The following RBBP8 variants were observed in gnomAD, a reference collection of about 807,000 sequenced individuals.
RBBP8 encodes the protein RB binding protein 8, endonuclease.
In RBBP8, 88 loss-of-function variants were observed where a neutral mutation model predicts 108.3. That is an observed-to-expected ratio of 0.81 (90% CI 0.68 to 0.97). RBBP8 has a LOEUF of 0.97. Ranked by LOEUF, RBBP8 falls within the 50% of genes least tolerant of loss-of-function variation. The probability of loss-of-function intolerance (pLI) is 0.00; values close to 1 mark genes in which losing one functional copy is unlikely to be tolerated. For synonymous variants in RBBP8, 332 were observed against 348.2 expected, an observed-to-expected ratio of 0.95 and a Z score of 0.52; for missense variants, 1,023 against 1,049.0, an observed-to-expected ratio of 0.98 and a Z score of 0.34.
chr18:23,019,672 C>T (rs2046315886), intron 17 of RBBP8, among the ~76,000 whole-genome samples: 1 of 152,030 alleles, frequency 6.6e-6, no homozygotes, highest in South Asian at 2.1e-4. Flanking sequence ...TATCAACAAA[C>T]CCCATTGATT....
At position 22,949,032 on chromosome 18, in the gene RBBP8, TC is replaced by T. The variant is rs1457231193; in HGVS notation, c.153-584del. Among the ~76,000 whole-genome samples the T allele has an allele frequency of 5.3e-5, 8 of 152,298 alleles. No individual in the cohort carries two copies. The South Asian group carries it at 1.7e-3, about 32-fold the overall frequency. On this transcript the variant is annotated intron_variant, in intron 3 of 18. Coordinates refer to ENST00000327155, the MANE Select transcript of RBBP8 (RefSeq NM_002894.3). ...TAAAGCCTACTGTGTGCCACACTGT[TC>T]CGTATCCAATACATACATTAATACT...
chr18:22,986,421 G>T (rs4473296), intron 8 of RBBP8, among the ~76,000 whole-genome samples: 76,923 of 151,874 alleles, frequency 0.51, 21,977 homozygotes, highest in Middle Eastern at 0.68. Flanking sequence ...ATCTGAGATC[G>T]GTCTCATGTT....
intron 6 of RBBP8, among the ~76,000 whole-genome samples, chr18:22,979,848 ATACCTACTGTATGTC>A (rs1294221301): frequency 5.9e-5 from 9 of 152,230 alleles, no homozygotes; most frequent in Non-Finnish European, 1.3e-4. Flanking sequence ...TGTTTACGCC[ATACCTACTGTATGTC>A]TACTGTGGTA....
At chr18:23,008,769 A>ATTTTTTTTTT (rs71161355) in intron 16 of RBBP8, among the ~76,000 whole-genome samples, 5 of 100,022 alleles carry the variant, frequency 5.0e-5, no homozygotes, top group African/African-American at 4.1e-5. Flanking sequence ...TATGACTTTG[A>ATTTTTTTTTT]TTTTTTTTTT....
At chr18:23,025,792 G>A (rs2046441706) in intron 18 of RBBP8, among the ~76,000 whole-genome samples, 1 of 152,104 alleles carries the variant, frequency 6.6e-6, no homozygotes. Flanking sequence ...AAAGAGCTTG[G>A]GCCAGGTCCC....
intron 2 of RBBP8, among the ~76,000 whole-genome samples, chr18:22,938,297 GTTTGTTTTTGTT>G (rs139108773): frequency 6.6e-6 from 1 of 151,900 alleles, no homozygotes; most frequent in Non-Finnish European, 1.5e-5. Flanking sequence ...TGCCCAGCTA[GTTTGTTTTTGTT>G]TTTGTTTTTT....
At chr18:23,024,173 C>T (rs1004442218) in intron 18 of RBBP8, among the ~76,000 whole-genome samples, 5 of 151,280 alleles carry the variant, frequency 3.3e-5, no homozygotes, top group Admixed American at 2.6e-4. Flanking sequence ...GCTCGAGCCA[C>T]CACGCCCGGC....
At chr18:22,962,781 C>T (rs1436008595) in intron 4 of RBBP8, among the ~76,000 whole-genome samples, 1 of 150,888 alleles carries the variant, frequency 6.6e-6, no homozygotes. Context: ...TGATATTTTT[C>T]GTACGGACAG....
intron 7 of RBBP8, 88 bp from the exon 8 acceptor site, chr18:22,984,797 AT>A: frequency 5.3e-6 from 4 of 757,356 alleles, no homozygotes; most frequent in Middle Eastern, 3.9e-4. Context: ...ATACATAAAA[AT>A]TTTAAATATG....
chr18:22,994,043 C>T (rs1253677702), intron 12 of RBBP8, among the ~76,000 whole-genome samples, 196 bp downstream of exon 12: 4 of 69,586 alleles, frequency 5.7e-5, no homozygotes, highest in Non-Finnish European at 8.1e-5. Context: ...TTTTTTGAGA[C>T]GGAGTCTCGC....
At chr18:22,968,543 A>G (rs987356508) in intron 4 of RBBP8, among the ~76,000 whole-genome samples, 2 of 152,232 alleles carry the variant, frequency 1.3e-5, no homozygotes, top group Non-Finnish European at 2.9e-5. Flanking sequence ...AAATTAAAAC[A>G]AGGTCAGCTT....
chr18:22,955,768 G>A (rs1912475197), intron 4 of RBBP8, among the ~76,000 whole-genome samples: 1 of 151,938 alleles, frequency 6.6e-6, no homozygotes, highest in African/African-American at 2.4e-5. Context: ...TTTTAGTAGA[G>A]ACGGGTTTTC....
chr18:22,932,159 G>A (rs1033474913), upstream of RBBP8, among the ~76,000 whole-genome samples: 12 of 152,230 alleles, frequency 7.9e-5, no homozygotes, highest in African/African-American at 2.9e-4. Flanking sequence ...GACACAGGCA[G>A]AGGCCATAGG....
chr18:22,974,283 TA>T (rs948122051), intron 5 of RBBP8, among the ~76,000 whole-genome samples: 26 of 152,246 alleles, frequency 1.7e-4, no homozygotes, highest in African/African-American at 6.3e-4. Flanking sequence ...ACAAATTAAA[TA>T]AATACAGATA....
At chr18:23,012,102 C>T (rs377601511) in intron 16 of RBBP8, among the ~76,000 whole-genome samples, 65 of 143,176 alleles carry the variant, frequency 4.5e-4, no homozygotes, top group East Asian at 4.1e-3. Flanking sequence ...TGTTATACTG[C>T]GGGAGGCTGA....
At chr18:22,934,296 T>C (rs1454951709) in intron 1 of RBBP8, 1 of 152,304 alleles carries the variant, frequency 6.6e-6, no homozygotes, top group Non-Finnish European at 1.5e-5. Flanking sequence ...AGCCAGAATT[T>C]GCAAGTTGAA....
intron 5 of RBBP8, among the ~76,000 whole-genome samples, chr18:22,972,114 G>A (rs982774576): frequency 1.3e-5 from 2 of 150,354 alleles, no homozygotes; most frequent in African/African-American, 2.4e-5. Flanking sequence ...CCAGCACTTT[G>A]GGAAGCTGAG....
chr18:22,942,088 A>G (rs1176030170), intron 2 of RBBP8, among the ~76,000 whole-genome samples: 1 of 152,034 alleles, frequency 6.6e-6, no homozygotes, highest in African/African-American at 2.4e-5. Flanking sequence ...TGGGGAATCC[A>G]TTTGTAGAAA....
At chr18:23,006,234 G>T (rs902295346) in intron 15 of RBBP8, 129 bp from the exon 16 acceptor site, 1 of 774,308 alleles carries the variant, frequency 1.3e-6, no homozygotes, top group East Asian at 2.7e-5. Flanking sequence ...TAAATGAGTT[G>T]CTCAGAGGCC....
Sources: allele counts gnomAD v4.1 joint callset (sites outside exome capture counted in the v4.1 genomes callset), GRCh38; gene constraint gnomAD v4.1.1; transcripts MANE v1.5; gene names NCBI Gene and HGNC (gene_info 2026-07-23, HGNC 2026-07-21).